The following LSAMP variants were observed in gnomAD, a reference collection of about 807,000 sequenced individuals.
The protein encoded by LSAMP is limbic system associated membrane protein.
A neutral mutation model predicts 38.6 loss-of-function variants in LSAMP; 7 were observed. The ratio of observed to expected loss-of-function variants is 0.18; its 90% CI spans 0.10 to 0.34. The LOEUF (loss-of-function observed/expected upper bound fraction) is 0.34, where lower values mean the gene tolerates loss of function less well. Among genes scored for constraint, LSAMP ranks in the 10% least tolerant of loss-of-function variants. LSAMP has a pLI of 1.00. For synonymous variants in LSAMP, 154 were observed against 166.8 expected (o/e 0.92, Z 0.59); for missense variants, 313 against 420.0 (o/e 0.75, Z 2.23).
intron 3 of LSAMP, among the ~76,000 whole-genome samples, chr3:115,937,739 A>G (rs1937754859): frequency 6.6e-6 from 1 of 151,844 alleles, no homozygotes; most frequent in South Asian, 2.1e-4. Context: ...CAAACATACT[A>G]TTCCTTTGTT....
intron 3 of LSAMP, among the ~76,000 whole-genome samples, chr3:115,987,462 C>T (rs889814130): frequency 5.3e-5 from 8 of 152,136 alleles, no homozygotes; most frequent in African/African-American, 1.7e-4. Context: ...AAACAATATT[C>T]GTTTAACCTT....
chr3:116,094,660 C>T (rs2107439395), intron 1 of LSAMP, among the ~76,000 whole-genome samples: 1 of 152,328 alleles, frequency 6.6e-6, no homozygotes, highest in South Asian at 2.1e-4. Flanking sequence ...GAACTGAATT[C>T]ATGTAAATAT....
At chr3:116,076,199 T>C (rs1005277449) in intron 2 of LSAMP, among the ~76,000 whole-genome samples, 2 of 152,174 alleles carry the variant, frequency 1.3e-5, no homozygotes, top group African/African-American at 4.8e-5. Flanking sequence ...GGTTTTTAAA[T>C]ATGTTTTGCA....
Position 116,268,147 on chromosome 3 carries a change from C to T in LSAMP, c.155+176730G>A, listed in dbSNP as rs1192487421. ...CTGTAATATGCAACTAAATCTAATC[C>T]TAACACATCCTTTTTCCAGTTTCTT... On this transcript the variant is annotated intron_variant, in intron 1 of 6. Transcript: ENST00000490035. 4.6e-5 allele frequency among the ~76,000 whole-genome samples: 7 copies of T among 151,970 alleles called. No homozygotes were observed. In the East Asian group the frequency reaches 1.4e-3, roughly 29 times the overall value.
chr3:115,960,680 T>C (rs1559897755), intron 3 of LSAMP, among the ~76,000 whole-genome samples: 1 of 152,176 alleles, frequency 6.6e-6, no homozygotes, highest in Admixed American at 6.5e-5. Context: ...CCACTTGCAC[T>C]GTGGAACCTG....
intron 3 of LSAMP, among the ~76,000 whole-genome samples, chr3:115,986,706 G>T (rs994378101): frequency 2.6e-5 from 4 of 151,926 alleles, no homozygotes; most frequent in African/African-American, 9.7e-5. Flanking sequence ...AAAAGAGGGG[G>T]GTGGGGGCAG....
intron 1 of LSAMP, among the ~76,000 whole-genome samples, chr3:116,233,535 T>C (rs951859690): frequency 3.3e-5 from 5 of 151,914 alleles, no homozygotes; most frequent in African/African-American, 1.2e-4. Flanking sequence ...TACTGTAAAT[T>C]ATAGTCACCA....
chr3:116,372,262 C>G (rs951829346), intron 1 of LSAMP, among the ~76,000 whole-genome samples: 4 of 152,110 alleles, frequency 2.6e-5, no homozygotes, highest in Middle Eastern at 3.4e-3. Flanking sequence ...CAAAATAAAG[C>G]TTTGCCTGTA....
At chr3:116,170,035 G>T (rs1161466012) in intron 1 of LSAMP, among the ~76,000 whole-genome samples, 2 of 151,710 alleles carry the variant, frequency 1.3e-5, no homozygotes, top group Middle Eastern at 3.4e-3. Flanking sequence ...TAGCTTTCTT[G>T]ATAATTATTA....
At chr3:116,122,290 A>G (rs1373444009) in intron 1 of LSAMP, among the ~76,000 whole-genome samples, 1 of 152,178 alleles carries the variant, frequency 6.6e-6, no homozygotes, top group Non-Finnish European at 1.5e-5. Flanking sequence ...GCACATGGAA[A>G]CACACACACA....
intron 3 of LSAMP, among the ~76,000 whole-genome samples, chr3:115,970,611 G>A (rs1039953647): frequency 6.6e-6 from 1 of 152,116 alleles, no homozygotes; most frequent in Non-Finnish European, 1.5e-5. Flanking sequence ...AGGTCAGAAC[G>A]AAGAAGTTCT....
chr3:115,930,001 A>C (rs191241414), intron 3 of LSAMP, among the ~76,000 whole-genome samples: 614 of 25,334 alleles, frequency 0.024, 3 homozygotes, highest in Non-Finnish European at 0.056. Flanking sequence ...ATTTAGCAGA[A>C]GTTTTTTTTT....
intron 3 of LSAMP, among the ~76,000 whole-genome samples, chr3:116,010,510 A>G (rs1940293772): frequency 6.6e-6 from 1 of 152,240 alleles, no homozygotes; most frequent in African/African-American, 2.4e-5. Context: ...TAAAACAATT[A>G]CTGAGTGTGA....
chr3:116,226,536 T>TA (rs1393861076), intron 1 of LSAMP, among the ~76,000 whole-genome samples: 1 of 152,246 alleles, frequency 6.6e-6, no homozygotes, highest in African/African-American at 2.4e-5. Flanking sequence ...ATCACTGAAA[T>TA]AGCACTCAAG....
intron 3 of LSAMP, among the ~76,000 whole-genome samples, chr3:115,857,669 G>T (rs554357960): frequency 4.6e-5 from 7 of 152,046 alleles, no homozygotes; most frequent in Non-Finnish European, 8.8e-5. Flanking sequence ...ATGTGTTTTT[G>T]TGTCTCCTGG....
At chr3:116,091,156 C>T (rs561524831) in intron 1 of LSAMP, among the ~76,000 whole-genome samples, 31 of 152,278 alleles carry the variant, frequency 2.0e-4, no homozygotes, top group African/African-American at 7.2e-4. Context: ...ACGTTCCATG[C>T]TGAGAAAAAG....
intron 3 of LSAMP, among the ~76,000 whole-genome samples, chr3:116,008,636 A>G (rs1382402484): frequency 1.3e-5 from 2 of 152,156 alleles, no homozygotes; most frequent in Non-Finnish European, 2.9e-5. Flanking sequence ...CTTTCCAGTG[A>G]TAAGTATTCA....
At chr3:115,834,747 C>T in intron 6 of LSAMP, 1 of 258,314 alleles carries the variant, frequency 3.9e-6, no homozygotes, top group Non-Finnish European at 6.9e-6. Context: ...TCTGTACTTC[C>T]TATTAACATT....
In LSAMP at chr3:115,995,369, C is replaced by T. The variant is rs183793664; in HGVS notation, c.514+24146G>A. On this transcript the variant is annotated intron_variant, in intron 3 of 6. Transcript: ENST00000490035. ...CTTTTTCCTCTTGTTTAATTTAGTG[C>T]CCTTCCTCTTCCACAGTGTTCAGGA... Among the ~76,000 whole-genome samples, 96 of 152,164 alleles carry T rather than the reference C, an allele frequency of 6.3e-4. 2 individuals are homozygous for T. The East Asian group carries it at 0.017, about 26-fold the overall frequency.
Sources: allele counts gnomAD v4.1 joint callset (sites outside exome capture counted in the v4.1 genomes callset), GRCh38; gene constraint gnomAD v4.1.1; transcripts MANE v1.5; gene names NCBI Gene and HGNC (gene_info 2026-07-23, HGNC 2026-07-21).